Variants in CDC5L observed in about 807,000 individuals in gnomAD.
The protein encoded by CDC5L is cell division cycle 5 like.
Under a neutral mutation model 104.1 loss-of-function variants are expected in CDC5L, and 18 were observed. That is an observed-to-expected ratio of 0.17 (90% confidence interval 0.12 to 0.26). The LOEUF is 0.26. Among genes scored for constraint, CDC5L ranks in the 10% least tolerant of loss-of-function variants. CDC5L has a pLI of 1.00. For missense variants in CDC5L, 673 were observed against 956.9 expected (o/e 0.70, Z 3.91); for synonymous variants, 331 against 322.7 (o/e 1.03, Z -0.28).
chr6:44,396,451 A>G lies in CDC5L; in HGVS notation c.539+11A>G, dbSNP rs778772463. 21 of 1,538,754 alleles carry G rather than the reference A, an allele frequency of 1.4e-5. No homozygotes were observed. Among genetic ancestry groups the G allele is most frequent in the Non-Finnish European group, 1.6e-5 (18 of 1,119,816 alleles). On this transcript the variant is annotated intron_variant, in intron 5 of 15. Coordinates refer to ENST00000371477, the MANE Select transcript of CDC5L (RefSeq NM_001253.4). ...ATTGGAAGAAGCAAGGTATGTGTGG[A>G]TATAGGAATAAAAAGCAAAGTGTTT...
At chr6:44,416,843 C>G (rs1791929740) in intron 8 of CDC5L, among the ~76,000 whole-genome samples, 1 of 152,128 alleles carries the variant, frequency 6.6e-6, no homozygotes, top group African/African-American at 2.4e-5. Context: ...CCATTTGATT[C>G]TTATTTCTCC....
At chr6:44,427,623 G>A (rs150959814) in intron 13 of CDC5L, among the ~76,000 whole-genome samples, 446 of 152,272 alleles carry the variant, frequency 2.9e-3, no homozygotes, top group African/African-American at 0.01. Context: ...AGGAAGGAGG[G>A]TTTCGATTTA....
At chr6:44,425,431 A>G (rs1792375903) in intron 11 of CDC5L, among the ~76,000 whole-genome samples, 2 of 152,212 alleles carry the variant, frequency 1.3e-5, no homozygotes, top group South Asian at 4.1e-4. Context: ...CTCAGGTCTC[A>G]TGGTGGGTAA....
At chr6:44,419,425 C>T (rs1425962818) in intron 8 of CDC5L, 24 bp from the exon 9 acceptor site, 1 of 1,611,828 alleles carries the variant, frequency 6.2e-7, no homozygotes, top group African/African-American at 1.3e-5. Context: ...TTTAAACTTG[C>T]TTCTTTGTCT....
intron 14 of CDC5L, among the ~76,000 whole-genome samples, chr6:44,438,869 G>A (rs1029382273): frequency 1.3e-5 from 2 of 151,722 alleles, no homozygotes; most frequent in Non-Finnish European, 2.9e-5. Flanking sequence ...TCCTTACTGA[G>A]ATATAAATTA....
At position 44,391,111 on chromosome 6, in the gene CDC5L, A is replaced by G. The variant is rs965978040; in HGVS notation, c.149+740A>G. Among the ~76,000 whole-genome samples the G allele has an allele frequency of 7.7e-5, 11 of 143,412 alleles. No homozygotes were observed. The East Asian group carries it at 2.2e-3, about 28-fold the overall frequency. 94.1% of individuals were successfully genotyped at this position (143,412 alleles called of 152,430 possible). ...AAACATTTAATATGTTATATATTAT[A>G]TATTAAACATATTTAATATGTTATA... is the stretch of plus-strand genomic sequence containing the variant. On this transcript the variant is annotated intron_variant, in intron 2 of 15. Coordinates refer to ENST00000371477, the MANE Select transcript of CDC5L (RefSeq NM_001253.4).
chr6:44,409,120 A>G (rs1025739889), intron 8 of CDC5L, among the ~76,000 whole-genome samples: 1 of 152,200 alleles, frequency 6.6e-6, no homozygotes, highest in East Asian at 1.9e-4. Flanking sequence ...GTACACTTAC[A>G]TCTCATTTCC....
intron 5 of CDC5L, among the ~76,000 whole-genome samples, chr6:44,397,072 A>G (rs979634876): frequency 3.3e-5 from 5 of 152,212 alleles, no homozygotes; most frequent in African/African-American, 1.2e-4. Flanking sequence ...ATCATTGGCC[A>G]TTGCTTATCA....
rs781411018 is a variant in CDC5L at position 44,390,342 on chromosome 6, A to T, written c.120A>T (p.Arg40Ser). 1 of 1,611,878 alleles carries T rather than the reference A, an allele frequency of 6.2e-7. No individual in the cohort carries two copies. The highest frequency in any genetic ancestry group is 1.7e-5 in the Admixed American group (1 of 59,992). The change falls in exon 2 of 16, where the codon AGA (arginine) becomes AGT (serine). Residue 40 changes from arginine to serine, a missense_variant. Coordinates refer to ENST00000371477, the MANE Select transcript of CDC5L (RefSeq NM_001253.4). ...QWSRIASLLH[R>S]KSAKQCKARW... ...CTAGGATTGCCTCATTGCTGCATAGAAAATCAGCAAAGCAGTGCAAAGCCA... is the reference window on the plus strand; with the variant it reads ...CTAGGATTGCCTCATTGCTGCATAGTAAATCAGCAAAGCAGTGCAAAGCCA...
chr6:44,394,727 C>A (rs1790772842), intron 4 of CDC5L, among the ~76,000 whole-genome samples: 1 of 16,242 alleles, frequency 6.2e-5, no homozygotes, highest in East Asian at 3.5e-4. Flanking sequence ...TGTGGTGGCG[C>A]ATGCCTGTAG....
intron 12 of CDC5L, 68 bp downstream of exon 12, chr6:44,426,251 C>A: frequency 1.7e-6 from 2 of 1,158,694 alleles, no homozygotes; most frequent in Non-Finnish European, 1.3e-6. Context: ...CGTTTTACAT[C>A]ATTCATAAAG....
intron 14 of CDC5L, among the ~76,000 whole-genome samples, chr6:44,442,375 TTGTGTGTGTG>T (rs149528659): frequency 1.0e-4 from 15 of 145,116 alleles, no homozygotes; most frequent in South Asian, 2.2e-4. Flanking sequence ...TGTGTGTATG[TTGTGTGTGTG>T]TGTGTGTGTG....
intron 6 of CDC5L, 96 bp downstream of exon 6, chr6:44,404,123 A>G (rs1791255363): frequency 2.7e-6 from 2 of 732,132 alleles, no homozygotes; most frequent in Admixed American, 6.9e-5. Context: ...GATTTTTATT[A>G]TTTATTTATT....
At chr6:44,426,077 TA>T in intron 11 of CDC5L, 25 bp from the exon 12 acceptor site, 1 of 1,500,400 alleles carries the variant, frequency 6.7e-7, no homozygotes, top group Non-Finnish European at 9.2e-7. Flanking sequence ...ATAGCTGCAA[TA>T]AAGGATATAA....
intron 5 of CDC5L, among the ~76,000 whole-genome samples, chr6:44,400,219 C>G (rs1377883932): frequency 1.3e-5 from 2 of 152,256 alleles, no homozygotes; most frequent in East Asian, 3.9e-4. Context: ...CAGGCAGTTT[C>G]CGTTGCTTGC....
chr6:44,437,006 A>C (rs1353183597), intron 14 of CDC5L, among the ~76,000 whole-genome samples: 1 of 152,200 alleles, frequency 6.6e-6, no homozygotes, highest in Non-Finnish European at 1.5e-5. Flanking sequence ...GTGGCTTCTA[A>C]AGTAAGGTGT....
chr6:44,387,941 GGGGGGGCGACGAGGAGACCC>G, intron 1 of CDC5L, 73 bp downstream of exon 1: 1 of 1,431,310 alleles, frequency 7.0e-7, no homozygotes, highest in Non-Finnish European at 9.4e-7. Context: ...CGCGGAGGTC[GGGGGGGCGACGAGGAGACCC>G]TGTGGGGTCT....
intron 4 of CDC5L, among the ~76,000 whole-genome samples, chr6:44,394,115 T>G (rs528144595): frequency 6.6e-6 from 1 of 152,022 alleles, no homozygotes; most frequent in Admixed American, 6.6e-5. Flanking sequence ...TGTTACGGGG[T>G]GTGGTGGTAT....
chr6:44,446,469 A>G, intron 15 of CDC5L, 138 bp from the exon 16 acceptor site: 1 of 476,172 alleles, frequency 2.1e-6, no homozygotes, highest in Non-Finnish European at 3.7e-6. Context: ...AGTATTTGAT[A>G]TGTTTGTTTC....
Sources: allele counts gnomAD v4.1 joint callset (sites outside exome capture counted in the v4.1 genomes callset), GRCh38; gene constraint gnomAD v4.1.1; transcripts MANE v1.5; gene names NCBI Gene and HGNC (gene_info 2026-07-23, HGNC 2026-07-21).